PTPRD: variants seen among roughly 807,000 people sequenced by gnomAD.
The protein encoded by PTPRD is receptor-type tyrosine-protein phosphatase delta.
In PTPRD, 34 loss-of-function variants were observed where a neutral mutation model predicts 214.5. The ratio of observed to expected loss-of-function variants is 0.16; its 90% CI spans 0.12 to 0.21. The LOEUF is 0.21. PTPRD is among the 10% of genes least tolerant of loss of function. The pLI, the probability that PTPRD is intolerant of heterozygous loss-of-function variation, is 1.00. For synonymous variants in PTPRD, 1,128 were observed against 845.7 expected, an observed-to-expected ratio of 1.33 and a Z score of -5.79; for missense variants, 2,545 against 2,398.7, an observed-to-expected ratio of 1.06 and a Z score of -1.27.
chr9:10,275,630 G>C (rs1280390521), intron 3 of PTPRD, among the ~76,000 whole-genome samples: 4 of 152,162 alleles, frequency 2.6e-5, no homozygotes, highest in Non-Finnish European at 5.9e-5. Flanking sequence ...AAAGGGGCCA[G>C]TATCCATTCC....
intron 3 of PTPRD, among the ~76,000 whole-genome samples, chr9:10,106,977 G>C (rs2098639701): frequency 6.6e-6 from 1 of 151,766 alleles, no homozygotes; most frequent in African/African-American, 2.4e-5. Context: ...CACTGTAAAG[G>C]ATGAGATATT....
At chr9:9,058,590 C>T (rs2099701117) in intron 10 of PTPRD, among the ~76,000 whole-genome samples, 1 of 150,980 alleles carries the variant, frequency 6.6e-6, no homozygotes, top group African/African-American at 2.4e-5. Flanking sequence ...GCTGGGACTA[C>T]AGGCTCCCGC....
At chr9:9,753,723 C>T (rs1322587208) in intron 6 of PTPRD, among the ~76,000 whole-genome samples, 1 of 151,842 alleles carries the variant, frequency 6.6e-6, no homozygotes, top group African/African-American at 2.4e-5. Flanking sequence ...CGCAGATGCT[C>T]TCTGAAAATT....
intron 3 of PTPRD, among the ~76,000 whole-genome samples, chr9:10,282,852 C>G (rs2095193630): frequency 6.6e-6 from 1 of 152,096 alleles, no homozygotes; most frequent in Non-Finnish European, 1.5e-5. Flanking sequence ...CCAGGCAAAG[C>G]ATACCCTGAT....
At chr9:8,754,132 G>A (rs568763505) in intron 11 of PTPRD, among the ~76,000 whole-genome samples, 112 of 151,422 alleles carry the variant, frequency 7.4e-4, no homozygotes, top group African/African-American at 1.6e-3. Context: ...GTGACAGAGC[G>A]AGACTCCATC....
intron 12 of PTPRD, among the ~76,000 whole-genome samples, chr9:8,693,703 C>G (rs1196964356): frequency 6.6e-6 from 1 of 152,168 alleles, no homozygotes; most frequent in Non-Finnish European, 1.5e-5. Flanking sequence ...TTCTACAGAG[C>G]AAGTCCTGAA....
intron 2 of PTPRD, among the ~76,000 whole-genome samples, chr9:10,429,173 C>G (rs2098653809): frequency 6.6e-6 from 1 of 151,722 alleles, no homozygotes; most frequent in Admixed American, 6.6e-5. Flanking sequence ...AAACTTAACA[C>G]AGAACATTAT....
chr9:9,516,923 A>C (rs2096852260), intron 8 of PTPRD, among the ~76,000 whole-genome samples: 1 of 152,120 alleles, frequency 6.6e-6, no homozygotes, highest in Non-Finnish European at 1.5e-5. Flanking sequence ...CAAAATCAAG[A>C]AGCAACAAGC....
intron 11 of PTPRD, among the ~76,000 whole-genome samples, chr9:9,006,528 G>C (rs2099468636): frequency 6.6e-6 from 1 of 151,990 alleles, no homozygotes; most frequent in African/African-American, 2.4e-5. Flanking sequence ...TCTTAAAATG[G>C]AGATTGAACT....
chr9:9,334,283 A>AAC (rs2043535284), intron 9 of PTPRD, among the ~76,000 whole-genome samples: 1 of 152,010 alleles, frequency 6.6e-6, no homozygotes, highest in South Asian at 2.1e-4. Flanking sequence ...AATTAGCCAA[A>AAC]AAACAAAAAG....
At chr9:9,715,869 A>T (rs1360547438) in intron 7 of PTPRD, among the ~76,000 whole-genome samples, 1 of 152,136 alleles carries the variant, frequency 6.6e-6, no homozygotes, top group Non-Finnish European at 1.5e-5. Context: ...TATTATTATT[A>T]TACTTTAAGT....
At chr9:10,486,440 T>TA (rs1566437088) in intron 2 of PTPRD, among the ~76,000 whole-genome samples, 3 of 152,106 alleles carry the variant, frequency 2.0e-5, no homozygotes, top group Admixed American at 2.0e-4. Flanking sequence ...AATAGGAGAT[T>TA]CTCTCCCCAT....
chr9:8,711,227 G>A lies in PTPRD; in HGVS notation c.64+22553C>T, dbSNP rs540929400. Among the ~76,000 whole-genome samples, 137 of 151,608 alleles carry A rather than the reference G, an allele frequency of 9.0e-4. 1 individual carries two copies. The highest frequency in any genetic ancestry group is 7.6e-3 in the Middle Eastern group (2 of 264). ...ATAAAATAATTGTCTTGGTAATTAA[G>A]GAAGCTCATTTAGTTCTAGTAATAG... On this transcript the variant is annotated intron_variant, in intron 12 of 45. Transcript: ENST00000381196.
At chr9:8,900,232 C>A (rs1465851894) in intron 11 of PTPRD, among the ~76,000 whole-genome samples, 2 of 152,034 alleles carry the variant, frequency 1.3e-5, no homozygotes, top group African/African-American at 4.8e-5. Flanking sequence ...GAAAGTAATA[C>A]AAATATCCCT....
chr9:8,716,065 A>C lies in PTPRD; in HGVS notation c.64+17715T>G, dbSNP rs141886883. Among the ~76,000 whole-genome samples, 441 of 152,326 alleles carry C rather than the reference A, an allele frequency of 2.9e-3. 1 individual carries two copies. The highest frequency in any genetic ancestry group is 3.7e-3 in the Admixed American group (57 of 15,300). On this transcript the variant is annotated intron_variant, in intron 12 of 45. Transcript: ENST00000381196. Reference sequence around the variant, plus strand: ...ACATTGGGTAGCCACAGCAGTCCCTAAGAGAAAAAAGGAGCTCCAGCAACC... The same window carrying C: ...ACATTGGGTAGCCACAGCAGTCCCTCAGAGAAAAAAGGAGCTCCAGCAACC...
intron 43 of PTPRD, among the ~76,000 whole-genome samples, chr9:8,338,384 G>C (rs1483355087): frequency 1.3e-5 from 2 of 152,074 alleles, no homozygotes; most frequent in East Asian, 3.9e-4. Context: ...AGCTCTCATG[G>C]ACAGACACAT....
intron 2 of PTPRD, among the ~76,000 whole-genome samples, chr9:10,564,498 G>A (rs1244784581): frequency 6.6e-6 from 1 of 151,730 alleles, no homozygotes; most frequent in Non-Finnish European, 1.5e-5. Context: ...GATAGTTCCT[G>A]GAAGTGGCCA....
chr9:10,093,511 A>C (rs1264801623), intron 3 of PTPRD, among the ~76,000 whole-genome samples: 4 of 151,598 alleles, frequency 2.6e-5, no homozygotes, highest in Admixed American at 6.6e-5. Flanking sequence ...AATCCAAATT[A>C]GTTCAGCCAC....
At chr9:9,835,169 T>C (rs1295390604) in intron 5 of PTPRD, among the ~76,000 whole-genome samples, 1 of 152,094 alleles carries the variant, frequency 6.6e-6, no homozygotes, top group African/African-American at 2.4e-5. Context: ...TAGTACAAAA[T>C]ACAAGTATCT....
Sources: gnomAD v4.1 joint callset for allele counts (sites outside exome capture counted in the v4.1 genomes callset) on GRCh38, gnomAD v4.1.1 for gene constraint, MANE v1.5 for transcripts, NCBI Gene and HGNC (gene_info 2026-07-23, HGNC 2026-07-21) for gene names.